Variants in PTPRG observed in about 807,000 individuals in gnomAD.
PTPRG encodes protein tyrosine phosphatase receptor type G.
Under a neutral mutation model 165.3 loss-of-function variants are expected in PTPRG, and 102 were observed. The ratio of observed to expected loss-of-function variants is 0.62; its 90% CI spans 0.53 to 0.73. The LOEUF is 0.73. Ranked by LOEUF, PTPRG falls within the 30% of genes least tolerant of loss-of-function variation. The pLI is 0.00. For missense variants in PTPRG, 1,866 were observed against 1,861.4 expected (o/e 1.00, Z -0.05); for synonymous variants, 675 against 669.5 (o/e 1.01, Z -0.13).
At position 61,944,054 on chromosome 3, in the gene PTPRG, C is replaced by G. The variant is rs542053262; in HGVS notation, c.191-45571C>G. On this transcript the variant is annotated intron_variant, in intron 2 of 29. Coordinates refer to ENST00000474889, the MANE Select transcript of PTPRG (RefSeq NM_002841.4). ...CAGCAAACAAAGTACCACATTTTGT[C>G]AGTTACATCAGGGTTTCTCAACCTC... Among the ~76,000 whole-genome samples the G allele has an allele frequency of 7.2e-5, 11 of 152,244 alleles. No homozygotes were observed. In the East Asian group the frequency reaches 2.1e-3, roughly 29 times the overall value.
intron 5 of PTPRG, among the ~76,000 whole-genome samples, chr3:62,131,477 T>C (rs1336326492): frequency 2.0e-5 from 3 of 152,138 alleles, no homozygotes; most frequent in Non-Finnish European, 4.4e-5. Flanking sequence ...CACCTTAAAA[T>C]TAATTCTAGG....
chr3:62,127,436 C>T (rs968323659), intron 5 of PTPRG, among the ~76,000 whole-genome samples: 10 of 152,218 alleles, frequency 6.6e-5, no homozygotes, highest in Non-Finnish European at 1.2e-4. Flanking sequence ...TCTGAATACA[C>T]AGTTACCTGC....
intron 16 of PTPRG, chr3:62,262,060 T>C (rs919784908): frequency 3.3e-5 from 5 of 152,220 alleles, no homozygotes; most frequent in Non-Finnish European, 7.3e-5. Flanking sequence ...GCATATAGTG[T>C]AGAAAAATTT....
intron 1 of PTPRG, among the ~76,000 whole-genome samples, chr3:61,593,937 C>T (rs779212857): frequency 3.9e-5 from 6 of 152,068 alleles, no homozygotes; most frequent in Non-Finnish European, 8.8e-5. Flanking sequence ...TCCTTAATCA[C>T]TTAGAGCTTG....
At chr3:61,948,358 C>T (rs1236425611) in intron 2 of PTPRG, among the ~76,000 whole-genome samples, 1 of 152,082 alleles carries the variant, frequency 6.6e-6, no homozygotes, top group Non-Finnish European at 1.5e-5. Context: ...GTTGACTGCT[C>T]ATAAATGCAG....
rs1321791221 is a variant in PTPRG, at chr3:62,138,733, AAAAG to A, written c.682+6071_682+6074del. ...AAGCTCCAAAAAAAAAAAAAAAAAAAAAAGAAAGACGAAATACATGTGCATTATA... is the reference window on the plus strand; with the variant it reads ...AAGCTCCAAAAAAAAAAAAAAAAAAAAAAGACGAAATACATGTGCATTATA... On this transcript the variant is annotated intron_variant, in intron 6 of 29. Transcript: ENST00000474889. Among the ~76,000 whole-genome samples the A allele has an allele frequency of 9.0e-3, 1,363 of 151,362 alleles. 11 individuals are homozygous for A. Among genetic ancestry groups the A allele is most frequent in the Middle Eastern group, 0.031 (9 of 290 alleles).
Position 62,231,228 on chromosome 3 carries a change from G to A in PTPRG, c.2292G>A (p.Gly764=). The A allele has an allele frequency of 6.4e-7, 1 of 1,571,488 alleles. No individual in the cohort carries two copies. Among genetic ancestry groups the A allele is most frequent in the Non-Finnish European group, 8.6e-7 (1 of 1,159,004 alleles). Residue 764 remains glycine (G), a synonymous_variant, in exon 14 of 30, where the codon GGG becomes GGA. Coordinates refer to ENST00000474889, the MANE Select transcript of PTPRG (RefSeq NM_002841.4). The stretch of plus-strand genomic sequence containing the variant: ...CTTTTGTTTTTTGTCCATTTAGAGG[G>A]TGTAACAAAATAAAGTCCAAGGGCT... ...LLIAVLVYWR[G]CNKIKSKGFP...
At chr3:62,164,117 C>T (rs1704874121) in intron 7 of PTPRG, among the ~76,000 whole-genome samples, 1 of 152,136 alleles carries the variant, frequency 6.6e-6, no homozygotes, top group Middle Eastern at 3.2e-3. Context: ...GTCAAAGACC[C>T]AGAAAGACAC....
intron 2 of PTPRG, among the ~76,000 whole-genome samples, chr3:61,929,059 C>T (rs557836750): frequency 1.3e-5 from 2 of 152,206 alleles, no homozygotes; most frequent in Admixed American, 1.3e-4. Context: ...GAGTCTTTGG[C>T]CCCAAATGAG....
intron 1 of PTPRG, among the ~76,000 whole-genome samples, chr3:61,728,728 A>G (rs765737021): frequency 6.6e-5 from 10 of 152,072 alleles, no homozygotes; most frequent in Non-Finnish European, 1.3e-4. Context: ...AACATATTTG[A>G]AAACCCATAT....
At chr3:62,047,263 T>TTATTTATTTATG (rs72146414) in intron 4 of PTPRG, among the ~76,000 whole-genome samples, 61,318 of 149,698 alleles carry the variant, frequency 0.41, 13,287 homozygotes, top group African/African-American at 0.48. Flanking sequence ...ATTTATTTAT[T>TTATTTATTTATG]TATTTATTTT....
Position 62,127,977 on chromosome 3 carries a change from G to A in PTPRG, c.616-4625G>A, listed in dbSNP as rs13318108. On this transcript the variant is annotated intron_variant, in intron 5 of 29. Coordinates refer to ENST00000474889, the MANE Select transcript of PTPRG (RefSeq NM_002841.4). ...CTATTAATTGAAAAGAAAATGTTAC[G>A]AAGTTTAGATTTCATGAGCGTTTAT... Among the ~76,000 whole-genome samples the A allele has an allele frequency of 9.5e-3, 1,440 of 152,276 alleles. 29 individuals are homozygous for A. Among genetic ancestry groups the A allele is most frequent in the African/African-American group, 0.033 (1,367 of 41,548 alleles).
In PTPRG at chr3:62,115,023, G is replaced by T. The variant is rs74329003; in HGVS notation, c.616-17579G>T. Among the ~76,000 whole-genome samples the T allele has an allele frequency of 4.8e-4, 73 of 152,300 alleles. 1 individual carries two copies. In the East Asian group the frequency reaches 0.011, roughly 23 times the overall value. ...GGCTACTATTTACTGACACTGTTTT[G>T]CTAAACTGGGATTCAACTGACTGTT... On this transcript the variant is annotated intron_variant, in intron 5 of 29. Transcript: ENST00000474889.
intron 1 of PTPRG, among the ~76,000 whole-genome samples, chr3:61,610,758 C>CCTCCCTCCCTCCCTCT (rs1553640591): frequency 2.4e-5 from 3 of 125,422 alleles, no homozygotes; most frequent in African/African-American, 9.4e-5. Flanking sequence ...TGCCTCCCTC[C>CCTCCCTCCCTCCCTCT]CTCCCTCCCT....
chr3:62,269,247 A>C, intron 20 of PTPRG, 78 bp downstream of exon 20: 5 of 1,392,752 alleles, frequency 3.6e-6, no homozygotes, highest in Non-Finnish European at 4.8e-6. Flanking sequence ...ACCAAGGCCA[A>C]ATCTCATAAC....
chr3:61,731,496 G>T (rs942304654), intron 1 of PTPRG, among the ~76,000 whole-genome samples: 1 of 151,444 alleles, frequency 6.6e-6, no homozygotes, highest in East Asian at 1.9e-4. Context: ...CTACAGGCAC[G>T]CACCACCACG....
intron 2 of PTPRG, among the ~76,000 whole-genome samples, chr3:61,907,764 T>A (rs1204412133): frequency 3.9e-5 from 6 of 152,086 alleles, no homozygotes; most frequent in African/African-American, 1.4e-4. Context: ...GTGGTAAAGC[T>A]AAGGAGCCGA....
At chr3:62,051,459 A>G (rs532457622) in intron 4 of PTPRG, among the ~76,000 whole-genome samples, 33 of 152,328 alleles carry the variant, frequency 2.2e-4, no homozygotes, top group African/African-American at 7.5e-4. Context: ...ATGTCTTTAT[A>G]AAAGCCATTT....
chr3:62,098,395 G>T (rs1672931014), intron 5 of PTPRG, among the ~76,000 whole-genome samples: 1 of 152,186 alleles, frequency 6.6e-6, no homozygotes, highest in African/African-American at 2.4e-5. Context: ...AGGCTGTATG[G>T]AAATACTACA....
Sources: gnomAD v4.1 joint callset for allele counts (sites outside exome capture counted in the v4.1 genomes callset) on GRCh38, gnomAD v4.1.1 for gene constraint, MANE v1.5 for transcripts, NCBI Gene and HGNC (gene_info 2026-07-23, HGNC 2026-07-21) for gene names.